RGS20: variants seen among roughly 807,000 people sequenced by gnomAD.
The protein encoded by RGS20 is gz-selective GTPase-activating protein.
RGS20 carries 30 observed loss-of-function variants against 33.6 expected under a neutral mutation model. That is an observed-to-expected ratio of 0.89 (90% confidence interval 0.67 to 1.21). The LOEUF (loss-of-function observed/expected upper bound fraction) is 1.21, where lower values mean the gene tolerates loss of function less well. Among genes scored for constraint, RGS20 ranks in the 50% most tolerant of loss-of-function variants. RGS20 has a pLI of 0.00. For missense variants in RGS20, 472 were observed against 502.4 expected (o/e 0.94, Z 0.58); for synonymous variants, 208 against 197.9 (o/e 1.05, Z -0.43).
chr8:53,929,436 T>C (rs1247087370), intron 2 of RGS20, among the ~76,000 whole-genome samples: 1 of 152,120 alleles, frequency 6.6e-6, no homozygotes, highest in African/African-American at 2.4e-5. Context: ...ATCCCAGCAC[T>C]TTGGGAGGCT....
rs996585273 is a variant in RGS20, at chr8:53,877,985, C to T, written c.166-1273C>T. Among the ~76,000 whole-genome samples the T allele has an allele frequency of 1.3e-5, 2 of 152,204 alleles. No homozygotes were observed. Among genetic ancestry groups the T allele is most frequent in the African/African-American group, 2.4e-5 (1 of 41,444 alleles). ...CCAGGCCCACGAGGCCGCTCGCGAC[C>T]GCTCCCGCCTTCAGGACCCTGGAGA... is the stretch of plus-strand genomic sequence containing the variant. On this transcript the variant is annotated intron_variant, in intron 1 of 5. Coordinates refer to ENST00000297313, the MANE Select transcript of RGS20 (RefSeq NM_170587.4). The surrounding 1 kb of genome is among the most constrained non-coding windows in gnomAD (Gnocchi z 5.7).
chr8:53,852,063 A>C lies in RGS20; in HGVS notation c.164A>C (p.Lys55Thr). 3 of 1,607,444 alleles carry C rather than the reference A, an allele frequency of 1.9e-6. No homozygotes were observed. The highest frequency in any genetic ancestry group is 2.6e-6 in the Non-Finnish European group (3 of 1,175,978). The change falls in exon 1 of 6, where the codon AAG (lysine) becomes ACG (threonine). Residue 55 changes from lysine to threonine, a missense_variant and splice_region_variant. By Grantham distance (78) the Lys-to-Thr change is moderately conservative. Transcript: ENST00000297313. ...GACCTCAGGGCTGTTCCTGATATCA[A>C]GGTAAGGTGATTTCCACAATCCATG...
chr8:53,948,734 CTA>C (rs1814617800), intron 4 of RGS20, among the ~76,000 whole-genome samples: 1 of 76,368 alleles, frequency 1.3e-5, no homozygotes, highest in Non-Finnish European at 2.4e-5. Context: ...TTTACATATG[CTA>C]TATAAGATAC....
chr8:53,866,445 C>T (rs1436276425), intron 1 of RGS20, among the ~76,000 whole-genome samples: 5 of 151,626 alleles, frequency 3.3e-5, no homozygotes, highest in African/African-American at 7.3e-5. Flanking sequence ...GGCACAATCT[C>T]GGCTCACTGC....
intron 1 of RGS20, among the ~76,000 whole-genome samples, chr8:53,865,227 G>C (rs1393273983): frequency 6.6e-6 from 1 of 152,218 alleles, no homozygotes; most frequent in Non-Finnish European, 1.5e-5. Flanking sequence ...GTGAAATTGA[G>C]AGATCCGGCC....
intron 3 of RGS20, among the ~76,000 whole-genome samples, chr8:53,944,292 C>A (rs1814397746): frequency 6.6e-6 from 1 of 152,176 alleles, no homozygotes; most frequent in East Asian, 1.9e-4. Context: ...GTAATCCCAA[C>A]ACTTTGGGAG....
chr8:53,887,134 A>G (rs1203324135), intron 2 of RGS20: 1 of 164,018 alleles, frequency 6.1e-6, no homozygotes, highest in Non-Finnish European at 1.3e-5. Flanking sequence ...AGCGAAGGCC[A>G]CTAATTCTGC....
intron 2 of RGS20, among the ~76,000 whole-genome samples, chr8:53,893,740 G>A (rs938311001): frequency 1.3e-5 from 2 of 152,206 alleles, no homozygotes; most frequent in Admixed American, 1.3e-4. Context: ...TGGTTAGGCA[G>A]TGCTGTTCTT....
At chr8:53,852,183 A>G in intron 1 of RGS20, 1 of 1,005,692 alleles carries the variant, frequency 9.9e-7, no homozygotes, top group South Asian at 2.8e-5. Flanking sequence ...ATGTTTTATC[A>G]AAAATGTTTT....
intron 1 of RGS20, among the ~76,000 whole-genome samples, chr8:53,857,518 G>A (rs571862172): frequency 3.3e-5 from 5 of 152,336 alleles, no homozygotes; most frequent in African/African-American, 7.2e-5. Flanking sequence ...GATGGAGAAA[G>A]GGAAGATGTT....
At chr8:53,853,894 T>C (rs1487567175) in intron 1 of RGS20, among the ~76,000 whole-genome samples, 4 of 152,136 alleles carry the variant, frequency 2.6e-5, no homozygotes, top group African/African-American at 4.8e-5. Flanking sequence ...GGTAAGACAA[T>C]TGAAGAAGCC....
At chr8:53,889,064 AG>A (rs1481960538) in intron 2 of RGS20, among the ~76,000 whole-genome samples, 1 of 151,894 alleles carries the variant, frequency 6.6e-6, no homozygotes, top group Non-Finnish European at 1.5e-5. Context: ...GTATATGCCC[AG>A]GATAAAAATT....
intron 1 of RGS20, among the ~76,000 whole-genome samples, chr8:53,875,446 A>C (rs1469352563): frequency 2.0e-5 from 3 of 147,944 alleles, no homozygotes; most frequent in South Asian, 2.2e-4. Context: ...AAAAAAAAAA[A>C]AAAACCAAAA....
intron 2 of RGS20, among the ~76,000 whole-genome samples, chr8:53,884,191 CTTTTTTTTTT>C (rs4014055): frequency 4.8e-5 from 5 of 103,460 alleles, no homozygotes; most frequent in African/African-American, 2.3e-4. Context: ...GAAAAACAGT[CTTTTTTTTTT>C]TTTTTTTTTT....
At chr8:53,894,874 T>C (rs1393561412) in intron 2 of RGS20, among the ~76,000 whole-genome samples, 1 of 152,136 alleles carries the variant, frequency 6.6e-6, no homozygotes, top group African/African-American at 2.4e-5. Context: ...CTGATAGAGT[T>C]TGGATTTTTT....
intron 2 of RGS20, among the ~76,000 whole-genome samples, chr8:53,889,920 A>T (rs532705486): frequency 5.5e-4 from 84 of 152,176 alleles, no homozygotes; most frequent in Non-Finnish European, 9.4e-4. Flanking sequence ...CACAGTGAAT[A>T]TAATGTGCCT....
intron 2 of RGS20, among the ~76,000 whole-genome samples, chr8:53,890,980 T>G (rs1812695769): frequency 6.6e-6 from 1 of 152,222 alleles, no homozygotes; most frequent in African/African-American, 2.4e-5. Context: ...AGACTCAGTC[T>G]TGCCTTCAGA....
chr8:53,862,139 A>C (rs570137530), intron 1 of RGS20, among the ~76,000 whole-genome samples: 179 of 151,982 alleles, frequency 1.2e-3, no homozygotes, highest in Admixed American at 4.0e-3. Flanking sequence ...TCTCTCACCC[A>C]CCCCTCACCT....
chr8:53,930,570 CAG>C (rs1338491930), intron 2 of RGS20, among the ~76,000 whole-genome samples: 1 of 151,990 alleles, frequency 6.6e-6, no homozygotes, highest in Non-Finnish European at 1.5e-5. Flanking sequence ...TGTTTTTTGA[CAG>C]AGTCTCACTG....
Sources: gnomAD v4.1 joint callset for allele counts (sites outside exome capture counted in the v4.1 genomes callset) on GRCh38, gnomAD v4.1.1 for gene constraint, Gnocchi (gnomAD v3.1) non-coding constraint, MANE v1.5 for transcripts, NCBI Gene and HGNC (gene_info 2026-07-23, HGNC 2026-07-21) for gene names.